The following AKT2 variants were observed in gnomAD, a reference collection of about 807,000 sequenced individuals.
AKT2 encodes RAC-beta serine/threonine-protein kinase.
AKT2 carries 16 observed loss-of-function variants against 58.6 expected under a neutral mutation model. The ratio of observed to expected loss-of-function variants is 0.27; its 90% CI spans 0.18 to 0.41. The LOEUF (loss-of-function observed/expected upper bound fraction) is 0.41, where lower values mean the gene tolerates loss of function less well. Ranked by LOEUF, AKT2 falls within the 10% of genes least tolerant of loss-of-function variation. AKT2 has a pLI of 1.00. For missense variants in AKT2, 438 were observed against 661.0 expected (o/e 0.66, Z 3.70); for synonymous variants, 253 against 254.0 (o/e 1.00, Z 0.04).
chr19:40,235,943 G>A lies in AKT2; in HGVS notation c.1122C>T (p.Ser374=), dbSNP rs755585507. ...CAGCAAGCAGGGACTTGGCCTCGGGGCTGAGCGTGCGCGGGAAGCGGATCT... is the reference window on the plus strand; with the variant it reads ...CAGCAAGCAGGGACTTGGCCTCGGGACTGAGCGTGCGCGGGAAGCGGATCT... ...MEEIRFPRTL[S]PEAKSLLAGL... The change falls in exon 11 of 14, where the codon AGC becomes AGT. Residue 374 remains serine (S), a synonymous_variant. Transcript: ENST00000392038. This position sits in a 1 kb window ranked among gnomAD's most constrained non-coding sequence, Gnocchi z 6.3. The A allele has an allele frequency of 1.2e-6, 2 of 1,613,622 alleles. No individual in the cohort carries two copies. Among genetic ancestry groups the A allele is most frequent in the East Asian group, 4.5e-5 (2 of 44,866 alleles).
intron 1 of AKT2, chr19:40,280,704 C>T (rs2077408138): frequency 6.6e-6 from 1 of 152,408 alleles, no homozygotes; most frequent in Admixed American, 6.5e-5. Context: ...GCTCTGTCCT[C>T]CCTTCAGACC....
chr19:40,274,642 C>A (rs982975434), intron 1 of AKT2: 1 of 229,296 alleles, frequency 4.4e-6, no homozygotes, highest in African/African-American at 2.2e-5. Context: ...GAAGGGCGCA[C>A]TGAGGCAGCG....
In AKT2 at chr19:40,235,164, CTCA is replaced by C; in HGVS notation, c.1264-20_1264-18del. Reference sequence around the variant, plus strand: ...TGGCAGGAGCTACGGAGGAGAGGAGCTCAGGCTCAGGGACCCTGAGGCCAGGAG... The same window carrying C: ...TGGCAGGAGCTACGGAGGAGAGGAGCGGCTCAGGGACCCTGAGGCCAGGAG... On this transcript the variant is annotated intron_variant, in intron 12 of 13. Coordinates refer to ENST00000392038, the MANE Select transcript of AKT2 (RefSeq NM_001626.6). This position sits in a 1 kb window ranked among gnomAD's most constrained non-coding sequence, Gnocchi z 6.3. The C allele has an allele frequency of 6.2e-7, 1 of 1,613,888 alleles. No individual in the cohort carries two copies. Among genetic ancestry groups the C allele is most frequent in the Non-Finnish European group, 8.5e-7 (1 of 1,179,858 alleles).
At position 40,256,953 on chromosome 19, in the gene AKT2, G is replaced by A. The variant is rs184042322; in HGVS notation, c.148C>T (p.Pro50Ser). 5 of 1,614,174 alleles carry A rather than the reference G, an allele frequency of 3.1e-6. No homozygotes were observed. Among genetic ancestry groups the A allele is most frequent in the South Asian group, 1.1e-5 (1 of 91,080 alleles). The change falls in exon 3 of 14, where the codon CCC becomes TCC. Residue 50 changes from proline to serine, a missense_variant. Pro to Ser is a moderately conservative substitution (Grantham distance 74). This residue lies in a region of AKT2 where 244 missense variants were observed against 347.1 expected (regional missense o/e 0.70). Transcript: ENST00000392038. ...GCTACGGAGAAGTTGTTTAAGGGGG[G>A]TAGAGTCTGATCAGGGGCCTCGGGC... ...ERPEAPDQTL[P>S]PLNNFSVAEC...
At position 40,242,051 on chromosome 19, in the gene AKT2, A is replaced by G; in HGVS notation, c.460T>C (p.Tyr154His). Residue 154 changes from tyrosine (Y) to histidine (H), a missense_variant, in exon 6 of 14, where the codon TAT becomes CAT. Tyr to His is a moderately conservative substitution (Grantham distance 83). This residue lies in a region of AKT2 where 244 missense variants were observed against 347.1 expected (regional missense o/e 0.70). Transcript: ENST00000392038. The surrounding 1 kb of genome is among the most constrained non-coding windows in gnomAD (Gnocchi z 4.3). ...RAKVTMNDFDYLKLLGKGTFG... is the reference protein window; with the variant it reads ...RAKVTMNDFDHLKLLGKGTFG... ...GTTCCCTTGCCAAGGAGTTTGAGAT[A>G]GTCGAAGTCATTCATGGTCTGCCAG... The G allele has an allele frequency of 6.2e-7, 1 of 1,614,246 alleles. No individual in the cohort carries two copies. The highest frequency in any genetic ancestry group is 8.5e-7 in the Non-Finnish European group (1 of 1,180,042).
intron 2 of AKT2, among the ~76,000 whole-genome samples, chr19:40,264,763 C>T (rs1976221303): frequency 6.6e-6 from 1 of 151,956 alleles, no homozygotes; most frequent in African/African-American, 2.4e-5. Context: ...CCACTTTTCA[C>T]CCCAGCACTT....
intron 2 of AKT2, among the ~76,000 whole-genome samples, chr19:40,264,217 G>C (rs1976176962): frequency 6.6e-6 from 1 of 152,160 alleles, no homozygotes; most frequent in South Asian, 2.1e-4. Flanking sequence ...CTTCTTTCCA[G>C]GGGGAGGCCC....
intron 1 of AKT2, chr19:40,283,003 A>G (rs1251419024): frequency 1.2e-5 from 2 of 161,710 alleles, no homozygotes; most frequent in Non-Finnish European, 2.7e-5. Flanking sequence ...AAATGGTATC[A>G]CACTTCTAAC....
rs754309980 is a variant in AKT2, at chr19:40,255,225, C to T, written c.220G>A (p.Val74Ile). The change falls in exon 4 of 14, where the codon GTC (valine) becomes ATC (isoleucine). Residue 74 changes from valine to isoleucine, a missense_variant. Val to Ile is a conservative substitution (Grantham distance 29). Coordinates refer to ENST00000392038, the MANE Select transcript of AKT2 (RefSeq NM_001626.6). ...GTGGTCCACTGCAGGCAGCGTATGA[C>T]AAAGGTGTTGGGTCGCGGCCTCTCG... The part of the protein sequence containing the change: ...KTERPRPNTF[V>I]IRCLQWTTVI... The T allele has an allele frequency of 1.2e-6, 2 of 1,614,030 alleles. No homozygotes were observed. Among genetic ancestry groups the T allele is most frequent in the Non-Finnish European group, 1.7e-6 (2 of 1,179,998 alleles).
chr19:40,267,655 C>T (rs962962767), intron 1 of AKT2, among the ~76,000 whole-genome samples: 2 of 152,112 alleles, frequency 1.3e-5, no homozygotes, highest in African/African-American at 2.4e-5. Flanking sequence ...GCCAAGTGTC[C>T]CCAACTGACC....
chr19:40,234,891 C>T lies in AKT2; in HGVS notation c.1366+154G>A, dbSNP rs1305077464. 1 of 772,424 alleles carries T rather than the reference C, an allele frequency of 1.3e-6. No homozygotes were observed. Among genetic ancestry groups the T allele is most frequent in the East Asian group, 2.7e-5 (1 of 37,516 alleles). 47.8% of individuals were successfully genotyped at this position (772,424 alleles called of 1,614,324 possible). On this transcript the variant is annotated intron_variant, in intron 13 of 13. Transcript: ENST00000392038. The surrounding 1 kb of genome is among the most constrained non-coding windows in gnomAD (Gnocchi z 4.7). The stretch of plus-strand genomic sequence containing the variant: ...GTGGCCTCACCAGGTCCAAAGAGGA[C>T]CAACAGCAAAAGGGCCTGAGAGCAG...
At chr19:40,251,703 A>G (rs1033831321) in intron 4 of AKT2, among the ~76,000 whole-genome samples, 1 of 152,256 alleles carries the variant, frequency 6.6e-6, no homozygotes, top group African/African-American at 2.4e-5. Flanking sequence ...ATATCCTTCA[A>G]AAGGTAACTA....
intron 1 of AKT2, among the ~76,000 whole-genome samples, chr19:40,279,825 C>T (rs1197088095): frequency 6.6e-6 from 1 of 152,148 alleles, no homozygotes; most frequent in African/African-American, 2.4e-5. Context: ...GGACTCAGCA[C>T]AAGCTACAGA....
intron 9 of AKT2, 23 bp from the exon 10 acceptor site, chr19:40,236,408 T>TCAGGC: frequency 6.2e-7 from 1 of 1,613,988 alleles, no homozygotes; most frequent in Non-Finnish European, 8.5e-7. Flanking sequence ...TCAACGGATC[T>TCAGGC]CAGGTGCATG....
chr19:40,279,652 CAA>C (rs5828063), intron 1 of AKT2: 13 of 113,936 alleles, frequency 1.1e-4, no homozygotes, highest in East Asian at 2.5e-4. Context: ...GAACACACCT[CAA>C]AAAAAAAAAA....
At chr19:40,244,056 A>T (rs865914375) in intron 4 of AKT2, 2 of 141,704 alleles carry the variant, frequency 1.4e-5, no homozygotes, top group Non-Finnish European at 3.0e-5. Context: ...AATAATAATA[A>T]AATAATAATA....
chr19:40,264,762 A>C (rs1600084489), intron 2 of AKT2, among the ~76,000 whole-genome samples: 2 of 135,732 alleles, frequency 1.5e-5, no homozygotes, highest in African/African-American at 5.6e-5. Context: ...CCCACTTTTC[A>C]CCCCAGCACT....
intron 4 of AKT2, among the ~76,000 whole-genome samples, chr19:40,247,403 GAGTCACCTGTGA>G (rs1406800874): frequency 6.6e-6 from 1 of 152,196 alleles, no homozygotes; most frequent in African/African-American, 2.4e-5. Flanking sequence ...CATGGAGGTG[GAGTCACCTGTGA>G]AGGTCACACA....
chr19:40,247,479 C>T (rs2145236966), intron 4 of AKT2, among the ~76,000 whole-genome samples: 1 of 152,336 alleles, frequency 6.6e-6, no homozygotes, highest in African/African-American at 2.4e-5. Context: ...TCCTCCTTAG[C>T]ACCACCCGCC....
Sources: gnomAD v4.1 joint callset for allele counts (sites outside exome capture counted in the v4.1 genomes callset) on GRCh38, gnomAD v4.1.1 for gene constraint, gnomAD v4.1.1 regional missense constraint, Gnocchi (gnomAD v3.1) non-coding constraint, MANE v1.5 for transcripts, NCBI Gene and HGNC (gene_info 2026-07-23, HGNC 2026-07-21) for gene names.